TYW1B: variants seen among roughly 807,000 people sequenced by gnomAD.
TYW1B encodes S-adenosyl-L-methionine-dependent tRNA 4-demethylwyosine synthase TYW1B.
A neutral mutation model predicts 86.9 loss-of-function variants in TYW1B; 73 were observed. The ratio of observed to expected loss-of-function variants is 0.84; its 90% confidence interval spans 0.70 to 1.02. The LOEUF (loss-of-function observed/expected upper bound fraction) is 1.02. TYW1B is among the 50% of genes least tolerant of loss of function. The pLI, the probability that TYW1B is intolerant of heterozygous loss-of-function variation, is 0.00. For synonymous variants in TYW1B, 248 were observed against 292.8 expected, an observed-to-expected ratio of 0.85 and a Z score of 1.56; for missense variants, 637 against 827.4, an observed-to-expected ratio of 0.77 and a Z score of 2.82.
chr7:72,679,478 A>C (rs1256205594), intron 11 of TYW1B, among the ~76,000 whole-genome samples: 4 of 152,218 alleles, frequency 2.6e-5, no homozygotes, highest in Admixed American at 6.5e-5. Flanking sequence ...AACAATGTGA[A>C]TACGTCACGA....
At chr7:72,822,693 T>A (rs1231174727) in intron 2 of TYW1B, among the ~76,000 whole-genome samples, 4 of 152,052 alleles carry the variant, frequency 2.6e-5, no homozygotes, top group African/African-American at 7.2e-5. Flanking sequence ...ACACCTGTAA[T>A]CCTATCCTGT....
intron 7 of TYW1B, chr7:72,769,101 G>A (rs1787824013): frequency 5.2e-6 from 2 of 385,990 alleles, no homozygotes; most frequent in Admixed American, 3.5e-5. Context: ...TGGGCATGCA[G>A]CAGTTTGGCA....
At chr7:72,673,548 A>G (rs1206562143) in intron 11 of TYW1B, among the ~76,000 whole-genome samples, 1 of 152,194 alleles carries the variant, frequency 6.6e-6, no homozygotes, top group African/African-American at 2.4e-5. Flanking sequence ...CGAAAAATCA[A>G]AACAATTCAA....
intron 10 of TYW1B, among the ~76,000 whole-genome samples, chr7:72,702,986 C>CTATA (rs371144509): frequency 4.8e-3 from 172 of 36,202 alleles, no homozygotes; most frequent in Non-Finnish European, 7.4e-3. Flanking sequence ...ATCTATCTAT[C>CTATA]TATATATATA....
intron 13 of TYW1B, among the ~76,000 whole-genome samples, chr7:72,606,949 A>G (rs1391875196): frequency 2.6e-5 from 4 of 152,232 alleles, no homozygotes; most frequent in Admixed American, 2.0e-4. Context: ...AACAACTGAA[A>G]ATCACTTATC....
chr7:72,739,372 A>C (rs1787259636), intron 8 of TYW1B, among the ~76,000 whole-genome samples: 1 of 152,004 alleles, frequency 6.6e-6, no homozygotes, highest in Admixed American at 6.6e-5. Context: ...TTGGGAGGCC[A>C]AGGAGGGCAG....
At chr7:72,709,730 A>G (rs529566733) in intron 10 of TYW1B, among the ~76,000 whole-genome samples, 27 of 152,218 alleles carry the variant, frequency 1.8e-4, no homozygotes, top group Admixed American at 1.0e-3. Context: ...TTCTTTCTTG[A>G]TGATTCCTGA....
chr7:72,606,233 T>G (rs1425742938), intron 13 of TYW1B, among the ~76,000 whole-genome samples: 2 of 151,914 alleles, frequency 1.3e-5, no homozygotes, highest in Non-Finnish European at 2.9e-5. Flanking sequence ...GGCTGCTCTC[T>G]TAGGACAGCA....
At chr7:72,749,434 C>T (rs1238020913) in intron 7 of TYW1B, among the ~76,000 whole-genome samples, 1 of 152,094 alleles carries the variant, frequency 6.6e-6, no homozygotes. Flanking sequence ...GCTGGGACTA[C>T]AGGCACCCAC....
chr7:72,680,624 C>T (rs533355464), intron 11 of TYW1B, among the ~76,000 whole-genome samples: 4 of 152,230 alleles, frequency 2.6e-5, no homozygotes, highest in Admixed American at 2.0e-4. Context: ...TGTGATAGTG[C>T]GAGTCAATTC....
chr7:72,813,669 A>T (rs529374245), intron 3 of TYW1B, among the ~76,000 whole-genome samples: 27 of 152,328 alleles, frequency 1.8e-4, no homozygotes, highest in African/African-American at 6.0e-4. Context: ...GCATGACTGG[A>T]GAAAAAAGGG....
intron 12 of TYW1B, among the ~76,000 whole-genome samples, chr7:72,626,640 G>A (rs1812355531): frequency 6.6e-6 from 1 of 151,986 alleles, no homozygotes; most frequent in Non-Finnish European, 1.5e-5. Context: ...AAAAACCCAG[G>A]TGCTATTCTT....
intron 9 of TYW1B, among the ~76,000 whole-genome samples, chr7:72,726,790 G>A (rs1365501319): frequency 6.6e-6 from 1 of 152,106 alleles, no homozygotes; most frequent in African/African-American, 2.4e-5. Flanking sequence ...AAGAACTGCC[G>A]GAGACGGGGT....
chr7:72,820,109 TA>T (rs1450579841), intron 2 of TYW1B, among the ~76,000 whole-genome samples: 1 of 152,118 alleles, frequency 6.6e-6, no homozygotes, highest in Non-Finnish European at 1.5e-5. Flanking sequence ...ACCCCATCTC[TA>T]CTAAAAATGC....
At chr7:72,621,302 T>C (rs1478260082) in intron 12 of TYW1B, among the ~76,000 whole-genome samples, 1 of 152,202 alleles carries the variant, frequency 6.6e-6, no homozygotes, top group Admixed American at 6.5e-5. Context: ...ATAAATGATT[T>C]TTTTTTCCCC....
At chr7:72,668,993 A>G (rs1813528773) in intron 11 of TYW1B, among the ~76,000 whole-genome samples, 1 of 152,128 alleles carries the variant, frequency 6.6e-6, no homozygotes, top group African/African-American at 2.4e-5. Context: ...CCCCCTGCCT[A>G]GCACAGAACT....
chr7:72,651,863 T>G (rs1415267724), intron 11 of TYW1B, among the ~76,000 whole-genome samples: 2 of 152,128 alleles, frequency 1.3e-5, no homozygotes, highest in African/African-American at 4.8e-5. Flanking sequence ...AATAGACACA[T>G]GTAATAAAAA....
intron 12 of TYW1B, among the ~76,000 whole-genome samples, chr7:72,617,438 G>A (rs1812105207): frequency 6.6e-6 from 1 of 152,114 alleles, no homozygotes; most frequent in African/African-American, 2.4e-5. Flanking sequence ...CACAATCGCG[G>A]CTCACCACAA....
At chr7:72,817,274 G>A (rs1279621352) in intron 2 of TYW1B, among the ~76,000 whole-genome samples, 1 of 151,948 alleles carries the variant, frequency 6.6e-6, no homozygotes, top group Admixed American at 6.6e-5. Context: ...AGTGGTGGTG[G>A]GCACCTGTAA....
Sources: gnomAD v4.1 joint callset for allele counts (sites outside exome capture counted in the v4.1 genomes callset) on GRCh38, gnomAD v4.1.1 for gene constraint, MANE v1.5 for transcripts, NCBI Gene and HGNC (gene_info 2026-07-23, HGNC 2026-07-21) for gene names.